The following ADAMTSL3 variants were observed in gnomAD, a reference collection of about 807,000 sequenced individuals.
ADAMTSL3 encodes the protein ADAMTS-like protein 3.
In ADAMTSL3, 128 loss-of-function variants were observed where a neutral mutation model predicts 201.7. That is an observed-to-expected ratio of 0.63 (90% confidence interval 0.55 to 0.73). ADAMTSL3 has a LOEUF of 0.73. ADAMTSL3 is among the 30% of genes least tolerant of loss of function. The probability of loss-of-function intolerance (pLI) is 0.00; values close to 1 mark genes in which losing one functional copy is unlikely to be tolerated. For missense variants in ADAMTSL3, 1,990 were observed against 2,119.6 expected (o/e 0.94, Z 1.20); for synonymous variants, 738 against 748.4 (o/e 0.99, Z 0.23).
chr15:83,908,810 T>A (rs2141948185), intron 15 of ADAMTSL3, among the ~76,000 whole-genome samples: 1 of 152,294 alleles, frequency 6.6e-6, no homozygotes, highest in South Asian at 2.1e-4. Context: ...GTTGAGTGGG[T>A]CAGAAGCCCA....
chr15:83,975,502 G>A (rs781426442), intron 20 of ADAMTSL3, among the ~76,000 whole-genome samples: 58 of 152,116 alleles, frequency 3.8e-4, no homozygotes, highest in African/African-American at 1.2e-3. Context: ...TTGGGCTGGC[G>A]GCACTTCCTG....
rs950169 is a variant in ADAMTSL3, at chr15:84,037,709, C to T, written c.4979C>T (p.Thr1660Ile). ...CLGPSCDRDC[T>I]DTTHYCMFVK... is the part of the protein sequence containing the mutation. ...TGTTTCTTTTTTGCAGGAGACTGCACAGACACAACTCACTACTGTATGTTT... is the reference window on the plus strand; with the variant it reads ...TGTTTCTTTTTTGCAGGAGACTGCATAGACACAACTCACTACTGTATGTTT... Residue 1660 changes from threonine (T) to isoleucine (I), a missense_variant, in exon 30 of 30, where the codon ACA (threonine) becomes ATA (isoleucine). Thr to Ile is a moderately conservative substitution (Grantham distance 89). Transcript: ENST00000286744. The T allele has an allele frequency of 0.25, 392,645 of 1,601,146 alleles. 51,901 individuals are homozygous for T. Among genetic ancestry groups the T allele is most frequent in the Middle Eastern group, 0.39 (2,369 of 5,998 alleles).
At chr15:83,701,784 CGA>C (rs1199238404) in intron 2 of ADAMTSL3, among the ~76,000 whole-genome samples, 3 of 152,288 alleles carry the variant, frequency 2.0e-5, no homozygotes, top group Non-Finnish European at 2.9e-5. Context: ...TTCCCAGTCT[CGA>C]GTATGTCATT....
At chr15:83,813,159 T>A (rs1200907589) in intron 5 of ADAMTSL3, among the ~76,000 whole-genome samples, 3 of 152,198 alleles carry the variant, frequency 2.0e-5, no homozygotes, top group Non-Finnish European at 4.4e-5. Flanking sequence ...TTGTAGAAAA[T>A]CTAACTGTGG....
chr15:83,779,255 C>T (rs1039351415), intron 4 of ADAMTSL3, among the ~76,000 whole-genome samples: 1 of 152,160 alleles, frequency 6.6e-6, no homozygotes, highest in Non-Finnish European at 1.5e-5. Flanking sequence ...AGCACTGGAT[C>T]AAATGAACCT....
Position 84,037,672 on chromosome 15 carries a change from G to T in ADAMTSL3, c.4970-28G>T, listed in dbSNP as rs1012322175. 7 of 1,575,016 alleles carry T rather than the reference G, an allele frequency of 4.4e-6. No homozygotes were observed. The Middle Eastern group carries it at 1.0e-3, about 230-fold the overall frequency. ...TAATTAGGTCTCTAATAAGCTATAT[G>T]TTACAGATATTTGTTTCTTTTTTGC... On this transcript the variant is annotated intron_variant, in intron 29 of 29. Transcript: ENST00000286744.
chr15:83,717,061 C>A (rs1405853347), intron 3 of ADAMTSL3, among the ~76,000 whole-genome samples: 6 of 152,120 alleles, frequency 3.9e-5, no homozygotes, highest in Non-Finnish European at 8.8e-5. Flanking sequence ...AAGCTATGCT[C>A]TATTTAAAAA....
chr15:84,012,633 A>G (rs983104984), intron 23 of ADAMTSL3, among the ~76,000 whole-genome samples: 1 of 152,238 alleles, frequency 6.6e-6, no homozygotes, highest in African/African-American at 2.4e-5. Flanking sequence ...CCCCATTTTA[A>G]GGCCAACTGA....
intron 7 of ADAMTSL3, among the ~76,000 whole-genome samples, chr15:83,857,848 T>C (rs1389934069): frequency 1.3e-5 from 2 of 152,228 alleles, no homozygotes; most frequent in African/African-American, 2.4e-5. Context: ...AACATCTGCT[T>C]GAAGTAATTC....
At chr15:83,823,910 CTT>C in intron 6 of ADAMTSL3, among the ~76,000 whole-genome samples, 1 of 61,540 alleles carries the variant, frequency 1.6e-5, no homozygotes, top group South Asian at 5.2e-4. Context: ...TCTTCTTCTT[CTT>C]CTTCTTCTTC....
chr15:83,939,128 C>G lies in ADAMTSL3; in HGVS notation c.2118-3468C>G, dbSNP rs1323074001. Reference sequence around the variant, plus strand: ...ACCAATTTTGCCTTCCTAGAATAAACCCAGATTGGTCACCATGTAACATTA... The same window carrying G: ...ACCAATTTTGCCTTCCTAGAATAAAGCCAGATTGGTCACCATGTAACATTA... On this transcript the variant is annotated intron_variant, in intron 17 of 29. Transcript: ENST00000286744. Among the ~76,000 whole-genome samples, 4 of 152,170 alleles carry G rather than the reference C, an allele frequency of 2.6e-5. No homozygotes were observed. In the South Asian group the frequency reaches 8.3e-4, roughly 31 times the overall value.
chr15:83,680,405 A>G (rs1490002288), intron 2 of ADAMTSL3, among the ~76,000 whole-genome samples: 1 of 151,874 alleles, frequency 6.6e-6, no homozygotes, highest in Non-Finnish European at 1.5e-5. Context: ...ATGAGTATAC[A>G]CCATTTTGTC....
At chr15:83,823,883 CTTCTTCTTCCT>C (rs2063937783) in intron 6 of ADAMTSL3, among the ~76,000 whole-genome samples, 1 of 108,488 alleles carries the variant, frequency 9.2e-6, no homozygotes, top group East Asian at 3.6e-4. Context: ...CCATTTCCTT[CTTCTTCTTCCT>C]CTTCTTCTTC....
At chr15:83,857,893 C>CA (rs1191623207) in intron 7 of ADAMTSL3, among the ~76,000 whole-genome samples, 1 of 152,136 alleles carries the variant, frequency 6.6e-6, no homozygotes, top group Non-Finnish European at 1.5e-5. Flanking sequence ...CATTTAGAAA[C>CA]AGACAATCTT....
chr15:83,874,933 A>G (rs28640918), intron 9 of ADAMTSL3, among the ~76,000 whole-genome samples: 48,533 of 144,442 alleles, frequency 0.34, 13,068 homozygotes, highest in East Asian at 0.58. Context: ...TTTCTTGTGG[A>G]CCTTCTCAGC....
At position 83,942,671 on chromosome 15, in the gene ADAMTSL3, G is replaced by A; in HGVS notation, c.2193G>A (p.Leu731=). The change falls in exon 18 of 30, where the codon CTG becomes CTA. Residue 731 remains leucine (L), a synonymous_variant. Coordinates refer to ENST00000286744, the MANE Select transcript of ADAMTSL3 (RefSeq NM_207517.3). The stretch of plus-strand genomic sequence containing the variant: ...TTCAGACCCGAGATGTGTACTGCCT[G>A]CACCCAGGGGAGACCCCTGCCCCTC... ...VGIQTRDVYC[L]HPGETPAPPE... 2 of 1,614,090 alleles carry A rather than the reference G, an allele frequency of 1.2e-6. No homozygotes were observed. The highest frequency in any genetic ancestry group is 1.3e-5 in the African/African-American group (1 of 75,036).
chr15:83,681,002 C>T (rs997000591), intron 2 of ADAMTSL3, among the ~76,000 whole-genome samples: 17 of 152,136 alleles, frequency 1.1e-4, no homozygotes, highest in Non-Finnish European at 2.2e-4. Flanking sequence ...TACAGATTCT[C>T]GTAGTTTTCA....
At chr15:83,675,103 A>G (rs1232021819) in intron 2 of ADAMTSL3, among the ~76,000 whole-genome samples, 2 of 151,828 alleles carry the variant, frequency 1.3e-5, no homozygotes, top group South Asian at 2.1e-4. Flanking sequence ...GTATCTTGCA[A>G]CCTTTCTGAA....
chr15:84,008,330 G>A (rs1326834245), intron 23 of ADAMTSL3, among the ~76,000 whole-genome samples: 4 of 152,192 alleles, frequency 2.6e-5, no homozygotes, highest in African/African-American at 9.7e-5. Flanking sequence ...CCTGACCGCA[G>A]GTGATCTGCC....
Sources: gnomAD v4.1 joint callset for allele counts (sites outside exome capture counted in the v4.1 genomes callset) on GRCh38, gnomAD v4.1.1 for gene constraint, MANE v1.5 for transcripts, NCBI Gene and HGNC (gene_info 2026-07-23, HGNC 2026-07-21) for gene names.